Variants in GRM5 observed in about 807,000 individuals in gnomAD.
The protein encoded by GRM5 is metabotropic glutamate receptor 5.
In GRM5, 19 loss-of-function variants were observed where a neutral mutation model predicts 83.1. That is an observed-to-expected ratio of 0.23 (90% CI 0.16 to 0.34). The LOEUF is 0.34. Among genes scored for constraint, GRM5 ranks in the 10% least tolerant of loss-of-function variants. GRM5 has a pLI of 1.00. For missense variants in GRM5, 1,160 were observed against 1,588.3 expected (o/e 0.73, Z 4.58); for synonymous variants, 675 against 633.6 (o/e 1.07, Z -0.98).
chr11:89,025,733 A>T (rs1941114557), intron 2 of GRM5, among the ~76,000 whole-genome samples: 1 of 152,192 alleles, frequency 6.6e-6, no homozygotes, highest in Non-Finnish European at 1.5e-5. Context: ...CATTGCTGGT[A>T]GGGATATAAA....
intron 3 of GRM5, among the ~76,000 whole-genome samples, chr11:88,716,884 T>C (rs376513372): frequency 1.4e-4 from 22 of 152,088 alleles, no homozygotes; most frequent in African/African-American, 5.3e-4. Context: ...TTAGTGACCA[T>C]AAATTCACTC....
intron 2 of GRM5, among the ~76,000 whole-genome samples, chr11:88,907,976 T>C (rs1439780941): frequency 6.6e-6 from 1 of 152,110 alleles, no homozygotes; most frequent in Admixed American, 6.6e-5. Flanking sequence ...AGAAAAAATA[T>C]TATCTGAGGA....
intron 1 of GRM5, among the ~76,000 whole-genome samples, chr11:89,051,707 C>T (rs1941766379): frequency 6.6e-6 from 1 of 152,092 alleles, no homozygotes; most frequent in African/African-American, 2.4e-5. Context: ...GATACTCCGT[C>T]TCAAGAAAAG....
In GRM5 at chr11:89,047,225, G is replaced by A. The variant is rs751100154; in HGVS notation, c.648C>T (p.Ala216=). The A allele has an allele frequency of 6.2e-5, 99 of 1,609,536 alleles. No homozygotes were observed. Among genetic ancestry groups the A allele is most frequent in the Non-Finnish European group, 7.7e-5 (91 of 1,176,678 alleles). The stretch of plus-strand genomic sequence containing the variant: ...AAGGAAACTTACCTTCTGTGTGCAC[G>A]GCTGATACATAGGTCCAGTTGTACC... ...VKRYNWTYVS[A]VHTEGNYGES... is the part of the protein sequence containing the mutation. Residue 216 remains alanine (A), a synonymous_variant, in exon 2 of 10, where the codon GCC becomes GCT. Coordinates refer to ENST00000305447, the MANE Select transcript of GRM5 (RefSeq NM_001143831.3). The surrounding 1 kb of genome is among the most constrained non-coding windows in gnomAD (Gnocchi z 5.1).
intron 3 of GRM5, among the ~76,000 whole-genome samples, chr11:88,714,562 A>T (rs1941358553): frequency 6.6e-6 from 1 of 151,958 alleles, no homozygotes; most frequent in Non-Finnish European, 1.5e-5. Flanking sequence ...CAGTCCTCCA[A>T]ATCCCTATAA....
chr11:88,868,865 G>C (rs1320007448), intron 2 of GRM5, among the ~76,000 whole-genome samples: 6 of 151,686 alleles, frequency 4.0e-5, no homozygotes, highest in Non-Finnish European at 8.9e-5. Context: ...AATAGCTAAA[G>C]CACCTTGATT....
chr11:88,852,775 T>C (rs1300979441), intron 2 of GRM5, among the ~76,000 whole-genome samples: 3 of 152,072 alleles, frequency 2.0e-5, no homozygotes, highest in African/African-American at 7.2e-5. Flanking sequence ...AAAGAAATCC[T>C]TTGTAAGCTG....
intron 2 of GRM5, among the ~76,000 whole-genome samples, chr11:88,993,566 G>C (rs1940067011): frequency 1.3e-5 from 2 of 152,086 alleles, no homozygotes; most frequent in Admixed American, 6.5e-5. Context: ...AATTGCTTTG[G>C]CTATTCAGAG....
At chr11:88,512,037 C>T (rs1414790484) in intron 9 of GRM5, 1 of 151,354 alleles carries the variant, frequency 6.6e-6, no homozygotes, top group East Asian at 1.9e-4. Flanking sequence ...TAAAAAGTTT[C>T]TCTCTCTCTC....
At chr11:88,679,122 T>G (rs1940411464) in intron 3 of GRM5, among the ~76,000 whole-genome samples, 1 of 152,138 alleles carries the variant, frequency 6.6e-6, no homozygotes, top group African/African-American at 2.4e-5. Flanking sequence ...TATGAAAAAT[T>G]ACAGAACAGA....
intron 2 of GRM5, among the ~76,000 whole-genome samples, chr11:89,045,183 G>A (rs926840464): frequency 1.3e-5 from 2 of 151,984 alleles, no homozygotes; most frequent in Admixed American, 6.6e-5. Context: ...CCTGAATTTG[G>A]CATTGCAATT....
At chr11:88,586,567 T>C (rs886561975) in intron 7 of GRM5, among the ~76,000 whole-genome samples, 1 of 152,168 alleles carries the variant, frequency 6.6e-6, no homozygotes, top group Non-Finnish European at 1.5e-5. Context: ...TTGCAATATT[T>C]CCTAAAACTG....
At chr11:88,726,171 A>G (rs1941675505) in intron 3 of GRM5, among the ~76,000 whole-genome samples, 1 of 152,212 alleles carries the variant, frequency 6.6e-6, no homozygotes, top group Non-Finnish European at 1.5e-5. Context: ...TGACTAGAAT[A>G]ACCAGTTTAG....
chr11:88,791,324 G>C (rs763003229), intron 3 of GRM5, among the ~76,000 whole-genome samples: 17 of 152,164 alleles, frequency 1.1e-4, no homozygotes, highest in Non-Finnish European at 2.2e-4. Context: ...CGTTAGGAGA[G>C]AATTGTGAGT....
chr11:88,935,497 C>T (rs1937862360), intron 2 of GRM5, among the ~76,000 whole-genome samples: 1 of 151,810 alleles, frequency 6.6e-6, no homozygotes, highest in African/African-American at 2.4e-5. Flanking sequence ...CTTGCTTAGG[C>T]CCAAAGGTAG....
rs1243615900 is a variant in GRM5 at position 88,567,515 on chromosome 11, T to C, written c.2168A>G (p.Tyr723Cys). ...IMEPPDIMHD[Y>C]PSIREVYLIC... ...CAGGTAGACTTCTCGAATGCTTGGG[T>C]AGTCATGCATTATGTCAGGAGGCTC... Residue 723 changes from tyrosine (Y) to cysteine (C), a missense_variant, in exon 8 of 10, where the codon TAC becomes TGC. By Grantham distance (194) the Tyr-to-Cys change is radical (BLOSUM62 -2). Around this residue, in one of 9 missense-constraint regions of GRM5, gnomAD observed 44 missense variants for 41.0 expected, o/e 1.07. Coordinates refer to ENST00000305447, the MANE Select transcript of GRM5 (RefSeq NM_001143831.3). The surrounding 1 kb of genome is among the most constrained non-coding windows in gnomAD (Gnocchi z 7.3). 1 of 1,613,586 alleles carries C rather than the reference T, an allele frequency of 6.2e-7. No homozygotes were observed. The highest frequency in any genetic ancestry group is 1.3e-5 in the African/African-American group (1 of 74,886).
intron 2 of GRM5, among the ~76,000 whole-genome samples, chr11:88,969,859 T>G (rs546902591): frequency 1.3e-5 from 2 of 152,232 alleles, no homozygotes; most frequent in African/African-American, 4.8e-5. Context: ...TTCATACATT[T>G]TGAGTTATAG....
At chr11:88,627,926 C>T (rs1352278511) in intron 4 of GRM5, among the ~76,000 whole-genome samples, 2 of 152,136 alleles carry the variant, frequency 1.3e-5, no homozygotes, top group African/African-American at 4.8e-5. Context: ...AAGAAAATTC[C>T]CCAAATCATG....
chr11:88,580,183 G>A (rs1167841428), intron 7 of GRM5, among the ~76,000 whole-genome samples: 3 of 152,206 alleles, frequency 2.0e-5, no homozygotes, highest in Non-Finnish European at 4.4e-5. Flanking sequence ...AGTGATGGAA[G>A]TGTAGAATTT....
Sources: gnomAD v4.1 joint callset for allele counts (sites outside exome capture counted in the v4.1 genomes callset) on GRCh38, gnomAD v4.1.1 for gene constraint, gnomAD v4.1.1 regional missense constraint, Gnocchi (gnomAD v3.1) non-coding constraint, MANE v1.5 for transcripts, NCBI Gene and HGNC (gene_info 2026-07-23, HGNC 2026-07-21) for gene names.